ZNF566: variants seen among roughly 807,000 people sequenced by gnomAD.
The protein encoded by ZNF566 is zinc finger protein 566.
Under a neutral mutation model 32.8 loss-of-function variants are expected in ZNF566, and 27 were observed. That is an observed-to-expected ratio of 0.82 (90% CI 0.61 to 1.14). The LOEUF is 1.14. Ranked by LOEUF, ZNF566 falls within the 50% of genes most tolerant of loss-of-function variation. ZNF566 has a pLI of 0.00. For missense variants in ZNF566, 402 were observed against 490.4 expected, an observed-to-expected ratio of 0.82 and a Z score of 1.70; for synonymous variants, 154 against 159.5, an observed-to-expected ratio of 0.97 and a Z score of 0.26.
intron 4 of ZNF566, among the ~76,000 whole-genome samples, chr19:36,454,670 A>G (rs1316952333): frequency 6.6e-6 from 1 of 152,222 alleles, no homozygotes; most frequent in Non-Finnish European, 1.5e-5. Flanking sequence ...CAAAACTACC[A>G]AACCTGAATC....
chr19:36,470,197 A>C (rs1012662795), intron 4 of ZNF566, among the ~76,000 whole-genome samples: 1 of 152,044 alleles, frequency 6.6e-6, no homozygotes, highest in African/African-American at 2.4e-5. Context: ...AGGCTCTCCA[A>C]ATTTTCCTCC....
intron 1 of ZNF566, among the ~76,000 whole-genome samples, chr19:36,482,746 T>TCA (rs1167367437): frequency 1.3e-5 from 2 of 152,136 alleles, no homozygotes; most frequent in Non-Finnish European, 2.9e-5. Flanking sequence ...TGTTGGAAAA[T>TCA]GAAGTAACAA....
intron 1 of ZNF566, 47 bp from the exon 2 acceptor site, chr19:36,476,663 C>T (rs1292611779): frequency 1.3e-6 from 2 of 1,492,698 alleles, no homozygotes; most frequent in Non-Finnish European, 1.8e-6. Flanking sequence ...TTCCTCACAG[C>T]TCCTGGCCCA....
chr19:36,458,991 T>C (rs934227111), intron 4 of ZNF566, among the ~76,000 whole-genome samples: 4 of 152,148 alleles, frequency 2.6e-5, no homozygotes, highest in Non-Finnish European at 5.9e-5. Context: ...GTAGCTGGGA[T>C]TACAGGCATG....
rs762117924 is a variant in ZNF566 at position 36,473,055 on chromosome 19, G to T, written c.137-49C>A. On this transcript the variant is annotated intron_variant, in intron 3 of 4. Transcript: ENST00000452939. ...ACAAATTTATCATGAGCATATCCTAGAATTCAAATCCAGTCCCTTCATTAT... is the reference window on the plus strand; with the variant it reads ...ACAAATTTATCATGAGCATATCCTATAATTCAAATCCAGTCCCTTCATTAT... 7 of 1,519,576 alleles carry T rather than the reference G, an allele frequency of 4.6e-6. No individual in the cohort carries two copies. The South Asian group carries it at 5.8e-5, about 13-fold the overall frequency. 94.1% of individuals were successfully genotyped at this position (1,519,576 alleles called of 1,614,324 possible). A position where few individuals can be genotyped will look rare whatever the true frequency, so the allele number is the denominator to read the frequency against.
Position 36,467,524 on chromosome 19 carries a change from C to A in ZNF566, c.232+5387G>T, listed in dbSNP as rs1356099399. On this transcript the variant is annotated intron_variant, in intron 4 of 4. Coordinates refer to ENST00000452939, the MANE Select transcript of ZNF566 (RefSeq NM_001145344.1). Reference sequence around the variant, plus strand: ...CAGGAAAGAAAAATGTGGCCGGGCACGGTGGCTCAAGACTATAATCCCAGC... The same window carrying A: ...CAGGAAAGAAAAATGTGGCCGGGCAAGGTGGCTCAAGACTATAATCCCAGC... Among the ~76,000 whole-genome samples, 3 of 147,796 alleles carry A rather than the reference C, an allele frequency of 2.0e-5. No individual in the cohort carries two copies. The South Asian group carries it at 6.4e-4, about 32-fold the overall frequency.
intron 1 of ZNF566, among the ~76,000 whole-genome samples, chr19:36,487,897 C>CAA (rs201784748): frequency 0.024 from 1,832 of 75,394 alleles, 113 homozygotes; most frequent in African/African-American, 0.034. Flanking sequence ...GACTCTGTCT[C>CAA]AAAAAAAAAA....
At chr19:36,451,170 T>C (rs539255364) in intron 4 of ZNF566, among the ~76,000 whole-genome samples, 1 of 152,284 alleles carries the variant, frequency 6.6e-6, no homozygotes, top group Non-Finnish European at 1.5e-5. Context: ...CCATCACCAC[T>C]GAATGTTCTC....
At position 36,477,172 on chromosome 19, in the gene ZNF566, G is replaced by A. The variant is rs141647613; in HGVS notation, c.-59-556C>T. Among the ~76,000 whole-genome samples the A allele has an allele frequency of 1.4e-3, 210 of 151,296 alleles. 1 individual carries two copies. Among genetic ancestry groups the A allele is most frequent in the African/African-American group, 4.7e-3 (194 of 41,100 alleles). Reference sequence around the variant, plus strand: ...ACTACAGGCATGTGCCACCACGCCCGGCTAATTTTTTGTATTTTTAGTAGT... The same window carrying A: ...ACTACAGGCATGTGCCACCACGCCCAGCTAATTTTTTGTATTTTTAGTAGT... On this transcript the variant is annotated intron_variant, in intron 1 of 4. Coordinates refer to ENST00000452939, the MANE Select transcript of ZNF566 (RefSeq NM_001145344.1).
At chr19:36,466,198 A>C (rs1209405075) in intron 4 of ZNF566, among the ~76,000 whole-genome samples, 1 of 152,230 alleles carries the variant, frequency 6.6e-6, no homozygotes, top group African/African-American at 2.4e-5. Context: ...GAAAGGAACA[A>C]GAATCATCTA....
At chr19:36,476,357 CT>C (rs36152613) in intron 2 of ZNF566, 191 bp downstream of exon 2, 31 of 400,418 alleles carry the variant, frequency 7.7e-5, no homozygotes, top group South Asian at 1.1e-4. Context: ...GTAATCAATT[CT>C]TTTTTTTTCT....
intron 4 of ZNF566, among the ~76,000 whole-genome samples, chr19:36,464,779 T>A (rs1426401532): frequency 6.6e-6 from 1 of 151,884 alleles, no homozygotes; most frequent in Non-Finnish European, 1.5e-5. Context: ...AAAAAAAAAT[T>A]TTGGGAATCA....
chr19:36,474,408 A>G (rs1478609376), intron 2 of ZNF566, among the ~76,000 whole-genome samples: 2 of 152,244 alleles, frequency 1.3e-5, no homozygotes, highest in Non-Finnish European at 2.9e-5. Context: ...GAAGGGTTGT[A>G]TAGAACAAAG....
Position 36,452,767 on chromosome 19 carries a change from T to G in ZNF566, c.233-2766A>C, listed in dbSNP as rs538124282. Among the ~76,000 whole-genome samples, 24 of 152,126 alleles carry G rather than the reference T, an allele frequency of 1.6e-4. No homozygotes were observed. The South Asian group carries it at 4.8e-3, about 30-fold the overall frequency. On this transcript the variant is annotated intron_variant, in intron 4 of 4. Transcript: ENST00000452939. ...TGTAAAGGCAGGAATATAGTTATAT[T>G]GAGAACACTCTGATAATGTAATAAT...
chr19:36,478,714 A>C (rs1319956214), intron 1 of ZNF566, among the ~76,000 whole-genome samples: 3 of 152,094 alleles, frequency 2.0e-5, no homozygotes, highest in Non-Finnish European at 4.4e-5. Context: ...AGAGACAGTT[A>C]CCATGGGTCT....
intron 4 of ZNF566, among the ~76,000 whole-genome samples, chr19:36,463,043 G>A (rs1044041394): frequency 1.4e-5 from 2 of 146,290 alleles, no homozygotes; most frequent in African/African-American, 5.0e-5. Flanking sequence ...TGGGCCAGAC[G>A]CAGTAATCCC....
At position 36,473,476 on chromosome 19, in the gene ZNF566, TA is replaced by T; in HGVS notation, c.10-19del. Reference sequence around the variant, plus strand: ...ACTGACTCCTGGAACAATAACCACGTATATGACTTCATTAATTTTTTAAAAA... The same window carrying T: ...ACTGACTCCTGGAACAATAACCACGTTATGACTTCATTAATTTTTTAAAAA... On this transcript the variant is annotated intron_variant, in intron 2 of 4. Transcript: ENST00000452939. 6.5e-7 allele frequency: 1 copy of T among 1,527,894 alleles called. No homozygotes were observed. Among genetic ancestry groups the T allele is most frequent in the Non-Finnish European group, 8.8e-7 (1 of 1,140,946 alleles). 94.6% of individuals were successfully genotyped at this position (1,527,894 alleles called of 1,614,324 possible). A position where few individuals can be genotyped will look rare whatever the true frequency, so the allele number is the denominator to read the frequency against.
At chr19:36,453,492 TAAATAAATAAATA>T (rs2033217082) in intron 4 of ZNF566, among the ~76,000 whole-genome samples, 2 of 116,614 alleles carry the variant, frequency 1.7e-5, no homozygotes, top group African/African-American at 6.5e-5. Flanking sequence ...AATAAATAAA[TAAATAAATAAATA>T]AATTAATTAA....
At chr19:36,458,030 A>G (rs1292619989) in intron 4 of ZNF566, among the ~76,000 whole-genome samples, 1 of 152,220 alleles carries the variant, frequency 6.6e-6, no homozygotes, top group African/African-American at 2.4e-5. Context: ...AAATTGAAAC[A>G]GCCATTATGG....
Sources: gnomAD v4.1 joint callset for allele counts (sites outside exome capture counted in the v4.1 genomes callset) on GRCh38, gnomAD v4.1.1 for gene constraint, MANE v1.5 for transcripts, NCBI Gene and HGNC (gene_info 2026-07-23, HGNC 2026-07-21) for gene names.